FOXO1: variants seen among roughly 807,000 people sequenced by gnomAD.
FOXO1 encodes the protein forkhead box O1, also known as forkhead box protein O1.
Under a neutral mutation model 44.1 loss-of-function variants are expected in FOXO1, and 6 were observed. The observed-to-expected ratio is 0.14, with a 90% CI of 0.07 to 0.27. The LOEUF (loss-of-function observed/expected upper bound fraction) is 0.27. Ranked by LOEUF, FOXO1 falls within the 10% of genes least tolerant of loss-of-function variation. The probability of loss-of-function intolerance (pLI) is 1.00; values close to 1 mark genes in which losing one functional copy is unlikely to be tolerated. For missense variants in FOXO1, 737 were observed against 888.8 expected (o/e 0.83, Z 2.17); for synonymous variants, 380 against 362.7 (o/e 1.05, Z -0.54).
chr13:40,558,194 A>C lies in FOXO1; in HGVS notation c.*855T>G, dbSNP rs919306195. The C allele has an allele frequency of 6.5e-6, 1 of 152,680 alleles. No individual in the cohort carries two copies. Among genetic ancestry groups the C allele is most frequent in the Non-Finnish European group, 1.5e-5 (1 of 68,040 alleles). 9.5% of individuals were successfully genotyped at this position (152,680 alleles called of 1,614,324 possible). ...GCCCCAAATACCTGTGGTTCCACAA[A>C]ATTTACAAGCTGACTATGTAACAAA... is the stretch of plus-strand genomic sequence containing the variant. On this transcript the variant is annotated 3_prime_UTR_variant, in exon 3 of 3. Transcript: ENST00000379561.
intron 1 of FOXO1, among the ~76,000 whole-genome samples, chr13:40,637,271 C>T (rs902581823): frequency 2.6e-5 from 4 of 151,782 alleles, no homozygotes; most frequent in African/African-American, 9.7e-5. Context: ...GGTGAAACCC[C>T]GTCTCTACTA....
At chr13:40,588,632 C>A (rs1390803791) in intron 1 of FOXO1, among the ~76,000 whole-genome samples, 1 of 152,166 alleles carries the variant, frequency 6.6e-6, no homozygotes, top group Non-Finnish European at 1.5e-5. Flanking sequence ...GATTATTTTC[C>A]TGTTATCCAT....
intron 1 of FOXO1, among the ~76,000 whole-genome samples, chr13:40,592,984 C>T (rs1875440598): frequency 6.6e-6 from 1 of 152,080 alleles, no homozygotes; most frequent in African/African-American, 2.4e-5. Context: ...ATCAACTATG[C>T]CTCAAGAATA....
At chr13:40,604,061 T>C (rs1238213309) in intron 1 of FOXO1, among the ~76,000 whole-genome samples, 1 of 152,134 alleles carries the variant, frequency 6.6e-6, no homozygotes, top group Non-Finnish European at 1.5e-5. Context: ...CACAGAAATT[T>C]ATCCCGAACA....
At chr13:40,610,358 G>A (rs893226108) in intron 1 of FOXO1, among the ~76,000 whole-genome samples, 6 of 152,190 alleles carry the variant, frequency 3.9e-5, no homozygotes, top group Non-Finnish European at 7.3e-5. Flanking sequence ...TACAACAAGG[G>A]GGTGTTTAGT....
intron 1 of FOXO1, among the ~76,000 whole-genome samples, chr13:40,644,375 C>T (rs1384554640): frequency 2.0e-5 from 3 of 152,058 alleles, no homozygotes; most frequent in Non-Finnish European, 2.9e-5. Flanking sequence ...TGTGGACTGA[C>T]AAGGAGAGTG....
intron 1 of FOXO1, among the ~76,000 whole-genome samples, chr13:40,574,987 T>C (rs1010295058): frequency 6.6e-6 from 1 of 152,186 alleles, no homozygotes; most frequent in African/African-American, 2.4e-5. Context: ...ATCCAATATA[T>C]TGAGGTCTAT....
chr13:40,565,013 T>C (rs1476832511), intron 1 of FOXO1, among the ~76,000 whole-genome samples: 1 of 127,042 alleles, frequency 7.9e-6, no homozygotes, highest in Non-Finnish European at 1.6e-5. Flanking sequence ...TTCAACCTGC[T>C]CTGCTGGCTG....
chr13:40,576,026 G>A (rs1874729500), intron 1 of FOXO1, among the ~76,000 whole-genome samples: 1 of 152,202 alleles, frequency 6.6e-6, no homozygotes, highest in African/African-American at 2.4e-5. Context: ...AGTGCTCTTG[G>A]ATAAATGGCT....
Position 40,633,670 on chromosome 13 carries a change from T to C in FOXO1, c.630+31913A>G, listed in dbSNP as rs116867936. On this transcript the variant is annotated intron_variant, in intron 1 of 2. Transcript: ENST00000379561. The stretch of plus-strand genomic sequence containing the variant: ...TCTTTAGGGATGATAAAAATGAAAA[T>C]TGTGGTGATAGTTGCCCAAACTCTT... Among the ~76,000 whole-genome samples the C allele has an allele frequency of 3.3e-3, 500 of 152,198 alleles. 21 individuals carry two copies. In the East Asian group the frequency reaches 0.088, roughly 27 times the overall value.
intron 1 of FOXO1, among the ~76,000 whole-genome samples, chr13:40,634,508 C>CA (rs905284730): frequency 2.0e-4 from 31 of 151,984 alleles, no homozygotes; most frequent in Middle Eastern, 3.4e-3. Flanking sequence ...CCCATTTCTA[C>CA]AAAAAAAATT....
At chr13:40,585,884 A>G (rs1299301977) in intron 1 of FOXO1, among the ~76,000 whole-genome samples, 1 of 152,226 alleles carries the variant, frequency 6.6e-6, no homozygotes, top group Non-Finnish European at 1.5e-5. Context: ...TTAGTACGTA[A>G]GTTTAACTAG....
At chr13:40,641,019 A>C (rs557375906) in intron 1 of FOXO1, among the ~76,000 whole-genome samples, 8 of 152,240 alleles carry the variant, frequency 5.3e-5, no homozygotes, top group African/African-American at 1.9e-4. Context: ...CTTGACCTCA[A>C]GTGATCCACC....
chr13:40,570,514 G>A (rs1374775579), intron 1 of FOXO1, among the ~76,000 whole-genome samples: 1 of 152,148 alleles, frequency 6.6e-6, no homozygotes, highest in Non-Finnish European at 1.5e-5. Context: ...TCTCTGGTTT[G>A]TCTGATCTTT....
At chr13:40,611,661 T>C (rs1399004119) in intron 1 of FOXO1, among the ~76,000 whole-genome samples, 1 of 152,166 alleles carries the variant, frequency 6.6e-6, no homozygotes, top group Admixed American at 6.5e-5. Flanking sequence ...AGAACACATC[T>C]AAAACACACG....
At chr13:40,623,587 G>A (rs959828784) in intron 1 of FOXO1, among the ~76,000 whole-genome samples, 2 of 152,092 alleles carry the variant, frequency 1.3e-5, no homozygotes, top group Non-Finnish European at 2.9e-5. Context: ...TGTGTCATAT[G>A]AACCACTGTA....
At chr13:40,656,783 C>T (rs781042027) in intron 1 of FOXO1, among the ~76,000 whole-genome samples, 1 of 152,032 alleles carries the variant, frequency 6.6e-6, no homozygotes, top group Non-Finnish European at 1.5e-5. Flanking sequence ...TCCTTTCTAC[C>T]TATACTTTTC....
intron 1 of FOXO1, among the ~76,000 whole-genome samples, chr13:40,581,006 C>A (rs1195556808): frequency 6.6e-6 from 1 of 152,158 alleles, no homozygotes; most frequent in East Asian, 1.9e-4. Flanking sequence ...ATGGTCAGGG[C>A]AACAACATTG....
intron 1 of FOXO1, among the ~76,000 whole-genome samples, chr13:40,585,474 T>TCCCA (rs1875129851): frequency 6.6e-6 from 1 of 152,204 alleles, no homozygotes; most frequent in Non-Finnish European, 1.5e-5. Context: ...CACAGCCTTC[T>TCCCA]CCCAGCCAGA....
Sources: allele counts gnomAD v4.1 joint callset (sites outside exome capture counted in the v4.1 genomes callset), GRCh38; gene constraint gnomAD v4.1.1; transcripts MANE v1.5; gene names NCBI Gene and HGNC (gene_info 2026-07-23, HGNC 2026-07-21).